Variants in MKX observed in about 807,000 individuals in gnomAD.
MKX encodes homeobox protein Mohawk.
A neutral mutation model predicts 36.0 loss-of-function variants in MKX; 13 were observed. The ratio of observed to expected loss-of-function variants is 0.36; its 90% CI spans 0.24 to 0.57. The LOEUF (loss-of-function observed/expected upper bound fraction) is 0.57. Among genes scored for constraint, MKX ranks in the 20% least tolerant of loss-of-function variants. The pLI is 0.79. For synonymous variants in MKX, 176 were observed against 178.3 expected, an observed-to-expected ratio of 0.99 and a Z score of 0.10; for missense variants, 458 against 456.4, an observed-to-expected ratio of 1.00 and a Z score of -0.03.
At chr10:27,720,495 T>C (rs1231488146) in intron 5 of MKX, among the ~76,000 whole-genome samples, 5 of 152,154 alleles carry the variant, frequency 3.3e-5, no homozygotes, top group Admixed American at 6.5e-5. Context: ...TGTACTACTG[T>C]AAATAACTTA....
intron 5 of MKX, among the ~76,000 whole-genome samples, chr10:27,711,511 C>T (rs866015103): frequency 4.9e-4 from 58 of 118,682 alleles, no homozygotes; most frequent in South Asian, 2.8e-3. Flanking sequence ...TCCTTCCTTC[C>T]TTCCTTCCTT....
chr10:27,688,251 T>C (rs1836392644), intron 5 of MKX, among the ~76,000 whole-genome samples: 1 of 151,336 alleles, frequency 6.6e-6, no homozygotes, highest in Non-Finnish European at 1.5e-5. Context: ...ATCTAGAAAA[T>C]GGAATTAAAT....
At chr10:27,724,543 T>C (rs532872916) in intron 5 of MKX, among the ~76,000 whole-genome samples, 1 of 151,912 alleles carries the variant, frequency 6.6e-6, no homozygotes, top group East Asian at 1.9e-4. Context: ...AAAATTAGAG[T>C]GGTGTTGCTG....
At chr10:27,682,439 C>A (rs1836269964) in intron 5 of MKX, among the ~76,000 whole-genome samples, 1 of 152,176 alleles carries the variant, frequency 6.6e-6, no homozygotes, top group South Asian at 2.1e-4. Context: ...CCTAGGCCTT[C>A]ACATTCACTC....
chr10:27,682,186 A>G (rs1164680726), intron 5 of MKX, among the ~76,000 whole-genome samples: 1 of 152,210 alleles, frequency 6.6e-6, no homozygotes, highest in African/African-American at 2.4e-5. Context: ...GAAAAATTTT[A>G]ATAACAGGAA....
In MKX at chr10:27,673,286, A is replaced by C. The variant is rs1224864038; in HGVS notation, c.*1943T>G. 1 of 152,528 alleles carries C rather than the reference A, an allele frequency of 6.6e-6. No homozygotes were observed. Among genetic ancestry groups the C allele is most frequent in the Non-Finnish European group, 1.5e-5 (1 of 68,010 alleles). The allele number at this position is 152,528 out of a possible 1,614,324, so 9.4% of individuals were successfully genotyped here. Reference sequence around the variant, plus strand: ...ATAGAAGAAATTTGCTGATTTTTTTAAAAAGATGGCAAACATGAATCATGA... The same window carrying C: ...ATAGAAGAAATTTGCTGATTTTTTTCAAAAGATGGCAAACATGAATCATGA... On this transcript the variant is annotated 3_prime_UTR_variant, in exon 7 of 7. Transcript: ENST00000419761.
intron 5 of MKX, among the ~76,000 whole-genome samples, chr10:27,708,053 G>C (rs948971797): frequency 1.3e-5 from 2 of 152,038 alleles, no homozygotes; most frequent in African/African-American, 2.4e-5. Flanking sequence ...TCTAAATAAC[G>C]TTCTTCTACA....
In MKX at chr10:27,742,332, G is replaced by C. The variant is rs1435203513; in HGVS notation, c.189-828C>G. ...GCCAGCGAGCCCAGCCGCTCCCCGA[G>C]GCTTGCGCGCCTGCGCCGGAGCCTC... On this transcript the variant is annotated intron_variant, in intron 2 of 6. Transcript: ENST00000419761. This position sits in a 1 kb window ranked among gnomAD's most constrained non-coding sequence, Gnocchi z 4.2. Among the ~76,000 whole-genome samples the C allele has an allele frequency of 6.6e-6, 1 of 152,214 alleles. No individual in the cohort carries two copies. The highest frequency in any genetic ancestry group is 2.4e-5 in the African/African-American group (1 of 41,468).
chr10:27,744,153 G>A lies in MKX; in HGVS notation c.-82-656C>T, dbSNP rs1017160469. ...GGAAAAAGTTAAGTGGCGTCAGGACGAAAGCACCACTTCTCCCCCTTCTCT... is the reference window on the plus strand; with the variant it reads ...GGAAAAAGTTAAGTGGCGTCAGGACAAAAGCACCACTTCTCCCCCTTCTCT... On this transcript the variant is annotated intron_variant, in intron 1 of 6. Transcript: ENST00000419761. The surrounding 1 kb of genome is among the most constrained non-coding windows in gnomAD (Gnocchi z 5.6). Among the ~76,000 whole-genome samples, 4 of 152,006 alleles carry A rather than the reference G, an allele frequency of 2.6e-5. No individual in the cohort carries two copies. Among genetic ancestry groups the A allele is most frequent in the African/African-American group, 9.7e-5 (4 of 41,374 alleles).
chr10:27,681,184 C>T (rs1284704658), intron 5 of MKX, among the ~76,000 whole-genome samples: 6 of 152,144 alleles, frequency 3.9e-5, no homozygotes, highest in East Asian at 1.9e-4. Flanking sequence ...TGGTGGCTCA[C>T]GCCTGTAATC....
At chr10:27,683,037 G>A (rs138978181) in intron 5 of MKX, among the ~76,000 whole-genome samples, 60 of 152,090 alleles carry the variant, frequency 3.9e-4, no homozygotes, top group African/African-American at 1.4e-3. Flanking sequence ...AACTACATGC[G>A]CAGTTCACAA....
intron 5 of MKX, among the ~76,000 whole-genome samples, chr10:27,683,683 C>A (rs1836294253): frequency 6.6e-6 from 1 of 152,224 alleles, no homozygotes; most frequent in South Asian, 2.1e-4. Context: ...GAGCCTGCGT[C>A]TAGTGTGTTA....
chr10:27,691,098 C>T (rs2815564), intron 5 of MKX, among the ~76,000 whole-genome samples: 106,890 of 152,056 alleles, frequency 0.7, 38,979 homozygotes, highest in Non-Finnish European at 0.81. Context: ...TAAATCAAAC[C>T]TCCTTTGTTT....
At chr10:27,712,285 A>G (rs1485343271) in intron 5 of MKX, among the ~76,000 whole-genome samples, 1 of 152,214 alleles carries the variant, frequency 6.6e-6, no homozygotes, top group Non-Finnish European at 1.5e-5. Context: ...AACTCCTACA[A>G]TTATAAACAG....
chr10:27,679,004 T>G (rs1836204038), intron 5 of MKX, among the ~76,000 whole-genome samples: 1 of 152,210 alleles, frequency 6.6e-6, no homozygotes, highest in Non-Finnish European at 1.5e-5. Context: ...TTCAATAGAC[T>G]GAATTCTGTA....
In MKX at chr10:27,725,130, T is replaced by G. The variant is rs150349409; in HGVS notation, c.838+9326A>C. On this transcript the variant is annotated intron_variant, in intron 5 of 6. Transcript: ENST00000419761. Reference sequence around the variant, plus strand: ...CATCTCCAAGCAACAGAGAAACTCATAGCCAAAAGTGAACATTTTCAGGGA... The same window carrying G: ...CATCTCCAAGCAACAGAGAAACTCAGAGCCAAAAGTGAACATTTTCAGGGA... Among the ~76,000 whole-genome samples, 10 of 152,292 alleles carry G rather than the reference T, an allele frequency of 6.6e-5. No individual in the cohort carries two copies. In the East Asian group the frequency reaches 1.7e-3, roughly 26 times the overall value.
At chr10:27,709,438 C>A (rs1223574047) in intron 5 of MKX, among the ~76,000 whole-genome samples, 2 of 152,110 alleles carry the variant, frequency 1.3e-5, no homozygotes, top group African/African-American at 2.4e-5. Context: ...TTCCTGGAAC[C>A]AAGCCTCCCA....
intron 3 of MKX, among the ~76,000 whole-genome samples, chr10:27,738,626 A>G (rs1413410073): frequency 1.3e-5 from 2 of 152,212 alleles, no homozygotes; most frequent in Middle Eastern, 3.4e-3. Flanking sequence ...ATCAGTATCT[A>G]TCTATCTATC....
In MKX at chr10:27,743,423, G is replaced by C; in HGVS notation, c.-8C>G. On this transcript the variant is annotated 5_prime_UTR_variant, in exon 2 of 7. Transcript: ENST00000419761. ...GAAGACGATGGTGTTCATGGTGTCGGTTGGTAGGGACGCGCGGCGCGGCCG... is the reference window on the plus strand; with the variant it reads ...GAAGACGATGGTGTTCATGGTGTCGCTTGGTAGGGACGCGCGGCGCGGCCG... 2 of 1,540,902 alleles carry C rather than the reference G, an allele frequency of 1.3e-6. No individual in the cohort carries two copies. Among genetic ancestry groups the C allele is most frequent in the Non-Finnish European group, 1.7e-6 (2 of 1,147,038 alleles).
Sources: gnomAD v4.1 joint callset for allele counts (sites outside exome capture counted in the v4.1 genomes callset) on GRCh38, gnomAD v4.1.1 for gene constraint, Gnocchi (gnomAD v3.1) non-coding constraint, MANE v1.5 for transcripts, NCBI Gene and HGNC (gene_info 2026-07-23, HGNC 2026-07-21) for gene names.